GLRA1: variants seen among roughly 807,000 people sequenced by gnomAD.
The protein encoded by GLRA1 is glycine receptor subunit alpha-1.
In GLRA1, 37 loss-of-function variants were observed where a neutral mutation model predicts 48.3. The ratio of observed to expected loss-of-function variants is 0.77; its 90% CI spans 0.59 to 1.01. GLRA1 has a LOEUF of 1.01. GLRA1 is among the 50% of genes least tolerant of loss of function. The pLI is 0.00. For synonymous variants in GLRA1, 196 were observed against 210.7 expected (o/e 0.93, Z 0.60); for missense variants, 427 against 571.0 (o/e 0.75, Z 2.57).
rs575597663 is a variant in GLRA1 at position 151,856,920 on chromosome 5, A to G, written c.477-537T>C. On this transcript the variant is annotated intron_variant, in intron 4 of 8. Transcript: ENST00000274576. ...GGAATTTAGCAAAACTGAAGGATAA[A>G]AAATCCACAAGGAGTTCTGGCAGGA... Among the ~76,000 whole-genome samples the G allele has an allele frequency of 1.1e-4, 16 of 152,368 alleles. No homozygotes were observed. The South Asian group carries it at 2.9e-3, about 28-fold the overall frequency.
chr5:151,924,268 G>A (rs906060788), intron 1 of GLRA1, among the ~76,000 whole-genome samples: 11 of 146,200 alleles, frequency 7.5e-5, no homozygotes, highest in African/African-American at 2.8e-4. Context: ...CCAGAACAGC[G>A]ACTGTCTCAG....
At chr5:151,909,128 T>A (rs1259798141) in intron 1 of GLRA1, among the ~76,000 whole-genome samples, 1 of 152,214 alleles carries the variant, frequency 6.6e-6, no homozygotes, top group Non-Finnish European at 1.5e-5. Context: ...TCATATTCGC[T>A]GGTATTATTA....
intron 7 of GLRA1, among the ~76,000 whole-genome samples, chr5:151,835,504 C>G (rs1763553075): frequency 6.6e-6 from 1 of 151,996 alleles, no homozygotes; most frequent in Non-Finnish European, 1.5e-5. Context: ...AGAGACACAA[C>G]AAAAAAAGAG....
At chr5:151,837,385 A>G (rs192108609) in intron 7 of GLRA1, among the ~76,000 whole-genome samples, 1 of 152,252 alleles carries the variant, frequency 6.6e-6, no homozygotes, top group African/African-American at 2.4e-5. Flanking sequence ...TAGTTCAACC[A>G]TTGTGGAAGA....
At chr5:151,866,807 T>C (rs2113371586) in intron 3 of GLRA1, among the ~76,000 whole-genome samples, 1 of 152,024 alleles carries the variant, frequency 6.6e-6, no homozygotes, top group Non-Finnish European at 1.5e-5. Flanking sequence ...GAGAGGGTCA[T>C]AAGAAGTTCT....
intron 7 of GLRA1, chr5:151,849,961 C>T (rs1269558773): frequency 2.5e-6 from 4 of 1,588,244 alleles, no homozygotes; most frequent in East Asian, 2.2e-5. Context: ...ACCCTACAAG[C>T]TGGTGTTCTG....
intron 4 of GLRA1, among the ~76,000 whole-genome samples, chr5:151,859,225 A>T (rs1181584683): frequency 6.6e-6 from 1 of 152,090 alleles, no homozygotes; most frequent in Non-Finnish European, 1.5e-5. Flanking sequence ...GAGATCAGGG[A>T]CTTGGTGTGG....
intron 1 of GLRA1, among the ~76,000 whole-genome samples, chr5:151,911,948 A>G (rs1056815393): frequency 4.8e-4 from 73 of 152,278 alleles, no homozygotes; most frequent in African/African-American, 1.6e-3. Flanking sequence ...CAATATGCCA[A>G]CTTAATTTAA....
At chr5:151,848,897 G>A (rs1471427647) in intron 7 of GLRA1, 5 of 666,398 alleles carry the variant, frequency 7.5e-6, no homozygotes, top group Admixed American at 5.4e-5. Flanking sequence ...GACCGCCTCA[G>A]CACATTCCCA....
At chr5:151,844,487 T>A (rs1314283046) in intron 7 of GLRA1, among the ~76,000 whole-genome samples, 1 of 151,372 alleles carries the variant, frequency 6.6e-6, no homozygotes, top group African/African-American at 2.4e-5. Flanking sequence ...CCAGGCATGG[T>A]GGTGCATGCC....
At chr5:151,835,569 C>T (rs1763555312) in intron 7 of GLRA1, among the ~76,000 whole-genome samples, 1 of 152,192 alleles carries the variant, frequency 6.6e-6, no homozygotes. Context: ...CAATAAATTA[C>T]TGGCAAACTG....
At chr5:151,880,934 T>A (rs185587449) in intron 3 of GLRA1, among the ~76,000 whole-genome samples, 7 of 152,372 alleles carry the variant, frequency 4.6e-5, no homozygotes, top group Admixed American at 2.0e-4. Flanking sequence ...CTCCTACATG[T>A]ATGCAAACTC....
At chr5:151,850,845 CA>C in intron 7 of GLRA1, 1 of 694,726 alleles carries the variant, frequency 1.4e-6, no homozygotes, top group South Asian at 1.5e-5. Context: ...CATCCCACTC[CA>C]ACTCTTCCCC....
chr5:151,872,848 C>T (rs1753523137), intron 3 of GLRA1, among the ~76,000 whole-genome samples: 1 of 149,634 alleles, frequency 6.7e-6, no homozygotes, highest in African/African-American at 2.6e-5. Flanking sequence ...GTAGCCATGT[C>T]GAGAGAGGCG....
At chr5:151,828,269 T>C (rs1044536117) in intron 8 of GLRA1, among the ~76,000 whole-genome samples, 1 of 152,246 alleles carries the variant, frequency 6.6e-6, no homozygotes, top group Non-Finnish European at 1.5e-5. Flanking sequence ...TTGGATCTTC[T>C]GGGGAACTAG....
Position 151,898,213 on chromosome 5 carries a change from C to CT in GLRA1, c.57-5776dup, listed in dbSNP as rs75340537. On this transcript the variant is annotated intron_variant, in intron 1 of 8. Coordinates refer to ENST00000274576, the MANE Select transcript of GLRA1 (RefSeq NM_000171.4). ...ATTTTATGAGTCTATAATATTCCTTCTTTTTTTTTTTTCATACACTGGTCT... is the reference window on the plus strand; with the variant it reads ...ATTTTATGAGTCTATAATATTCCTTCTTTTTTTTTTTTTCATACACTGGTCT... Among the ~76,000 whole-genome samples, 254 of 145,942 alleles carry CT rather than the reference C, an allele frequency of 1.7e-3. 1 individual carries two copies. The highest frequency in any genetic ancestry group is 5.2e-3 in the Admixed American group (76 of 14,622).
intron 7 of GLRA1, among the ~76,000 whole-genome samples, chr5:151,842,855 T>C (rs1458643740): frequency 1.3e-5 from 2 of 152,182 alleles, no homozygotes; most frequent in African/African-American, 2.4e-5. Flanking sequence ...ATCCTAAGGA[T>C]GTATAAAAGA....
At chr5:151,856,964 G>A (rs1753062875) in intron 4 of GLRA1, among the ~76,000 whole-genome samples, 1 of 152,284 alleles carries the variant, frequency 6.6e-6, no homozygotes, top group Non-Finnish European at 1.5e-5. Context: ...GGGAAGCAGA[G>A]TGCAGTCAGC....
At chr5:151,853,430 A>G (rs1050308303) in intron 6 of GLRA1, among the ~76,000 whole-genome samples, 2 of 112,142 alleles carry the variant, frequency 1.8e-5, no homozygotes, top group Non-Finnish European at 3.8e-5. Flanking sequence ...TTTTTTTTGT[A>G]TTTTCAGTAG....
Sources: gnomAD v4.1 joint callset for allele counts (sites outside exome capture counted in the v4.1 genomes callset) on GRCh38, gnomAD v4.1.1 for gene constraint, MANE v1.5 for transcripts, NCBI Gene and HGNC (gene_info 2026-07-23, HGNC 2026-07-21) for gene names.